Variants in GLRA3 observed in about 807,000 individuals in gnomAD.
GLRA3 encodes the protein glycine receptor alpha 3, also known as glycine receptor subunit alpha-3.
A neutral mutation model predicts 60.4 loss-of-function variants in GLRA3; 44 were observed. The ratio of observed to expected loss-of-function variants is 0.73; its 90% CI spans 0.57 to 0.94. The LOEUF (loss-of-function observed/expected upper bound fraction) is 0.94, where lower values mean the gene tolerates loss of function less well. GLRA3 is among the 40% of genes least tolerant of loss of function. The pLI, the probability that GLRA3 is intolerant of heterozygous loss-of-function variation, is 0.00. For missense variants in GLRA3, 508 were observed against 564.6 expected (o/e 0.90, Z 1.02); for synonymous variants, 223 against 192.9 (o/e 1.16, Z -1.29).
intron 5 of GLRA3, among the ~76,000 whole-genome samples, chr4:174,683,490 A>G (rs1734437213): frequency 6.6e-6 from 1 of 152,032 alleles, no homozygotes; most frequent in Non-Finnish European, 1.5e-5. Flanking sequence ...AGCTGGGACT[A>G]CAGGCACATG....
At chr4:174,705,994 G>A (rs1035019068) in intron 5 of GLRA3, among the ~76,000 whole-genome samples, 2 of 152,092 alleles carry the variant, frequency 1.3e-5, no homozygotes, top group East Asian at 1.9e-4. Flanking sequence ...ACTTTGGGAG[G>A]CCAAGGTGGG....
At chr4:174,808,752 A>G (rs186306996) in intron 1 of GLRA3, among the ~76,000 whole-genome samples, 83 of 152,164 alleles carry the variant, frequency 5.5e-4, no homozygotes, top group Middle Eastern at 3.4e-3. Context: ...GCACAGGCTA[A>G]TGTGTGTGCT....
chr4:174,682,305 T>C lies in GLRA3; in HGVS notation c.712+497A>G, dbSNP rs141881713. On this transcript the variant is annotated intron_variant, in intron 6 of 9. Coordinates refer to ENST00000274093, the MANE Select transcript of GLRA3 (RefSeq NM_006529.4). ...TCTCAATTCTTAGTGTTGAGAACTA[T>C]ATCTGATATTTATCTCAAGTGTCTT... Among the ~76,000 whole-genome samples, 3 of 152,318 alleles carry C rather than the reference T, an allele frequency of 2.0e-5. No homozygotes were observed. In the East Asian group the frequency reaches 5.8e-4, roughly 29 times the overall value.
At chr4:174,758,613 C>T (rs983000879) in intron 3 of GLRA3, among the ~76,000 whole-genome samples, 1 of 151,900 alleles carries the variant, frequency 6.6e-6, no homozygotes, top group Non-Finnish European at 1.5e-5. Context: ...CTAAAGAAAT[C>T]CAAAAAGCAC....
At chr4:174,817,713 TCTC>T (rs1740566376) in intron 1 of GLRA3, among the ~76,000 whole-genome samples, 1 of 152,118 alleles carries the variant, frequency 6.6e-6, no homozygotes, top group Non-Finnish European at 1.5e-5. Context: ...TTCAAGCAAT[TCTC>T]CTGCCTCAGC....
chr4:174,754,083 T>G (rs1363383128), intron 3 of GLRA3, among the ~76,000 whole-genome samples: 1 of 152,174 alleles, frequency 6.6e-6, no homozygotes, highest in Admixed American at 6.5e-5. Flanking sequence ...AATTGTATTC[T>G]CTATGATATT....
At chr4:174,664,553 A>G (rs1733582012) in intron 7 of GLRA3, among the ~76,000 whole-genome samples, 1 of 152,026 alleles carries the variant, frequency 6.6e-6, no homozygotes, top group African/African-American at 2.4e-5. Context: ...AGCCCTGTTA[A>G]TTATGTTTTC....
chr4:174,800,497 C>G (rs1329746762), intron 1 of GLRA3, among the ~76,000 whole-genome samples: 1 of 152,064 alleles, frequency 6.6e-6, no homozygotes, highest in Non-Finnish European at 1.5e-5. Flanking sequence ...TTCAGTCACA[C>G]TGCATCTCCT....
At position 174,642,451 on chromosome 4, in the gene GLRA3, G is replaced by C; in HGVS notation, c.*1335C>G. 2.0e-6 allele frequency: 2 copies of C among 976,596 alleles called. No individual in the cohort carries two copies. Among genetic ancestry groups the C allele is most frequent in the African/African-American group, 3.5e-5 (2 of 57,128 alleles). The allele number at this position is 976,596 out of a possible 1,614,324, so 60.5% of individuals were successfully genotyped here. On this transcript the variant is annotated 3_prime_UTR_variant, in exon 10 of 10. Transcript: ENST00000274093. ...TCCAAATAAATTTATGGTAAAAATA[G>C]TTAAAAAAATAGCAAAACTGAAAAA...
chr4:174,667,110 C>T (rs994499032), intron 7 of GLRA3, among the ~76,000 whole-genome samples: 4 of 152,060 alleles, frequency 2.6e-5, no homozygotes, highest in African/African-American at 9.7e-5. Context: ...AAAACCAAGT[C>T]GCTGGTGGTT....
intron 3 of GLRA3, among the ~76,000 whole-genome samples, chr4:174,743,857 C>A (rs1417237815): frequency 6.6e-6 from 1 of 152,144 alleles, no homozygotes; most frequent in Admixed American, 6.5e-5. Flanking sequence ...AATAATGTAT[C>A]TTAGAAGTGA....
rs1330521210 is a variant in GLRA3, at chr4:174,639,410, GAA to G, written c.*4374_*4375del. On this transcript the variant is annotated 3_prime_UTR_variant, in exon 10 of 10. Coordinates refer to ENST00000274093, the MANE Select transcript of GLRA3 (RefSeq NM_006529.4). ...TGTGTGTGTGTGTGTGTGTGTGTGT[GAA>G]AGAGAGAGAGAGAGAGGGAAAGGGA... 2 of 133,292 alleles carry G rather than the reference GAA, an allele frequency of 1.5e-5. No individual in the cohort carries two copies. Among genetic ancestry groups the G allele is most frequent in the African/African-American group, 2.8e-5 (1 of 35,210 alleles). The allele number at this position is 133,292 out of a possible 1,614,324, so 8.3% of individuals were successfully genotyped here.
At chr4:174,757,655 T>A (rs1211418569) in intron 3 of GLRA3, among the ~76,000 whole-genome samples, 1 of 152,192 alleles carries the variant, frequency 6.6e-6, no homozygotes, top group African/African-American at 2.4e-5. Context: ...TATATTGATA[T>A]GAATAAATTA....
chr4:174,802,378 C>A (rs1467728775), intron 1 of GLRA3, among the ~76,000 whole-genome samples: 3 of 151,990 alleles, frequency 2.0e-5, no homozygotes, highest in Non-Finnish European at 4.4e-5. Context: ...TATCAAGGAA[C>A]TGAAATGTAC....
At chr4:174,682,967 T>G (rs1191904757) in intron 5 of GLRA3, 28 bp from the exon 6 acceptor site, 1 of 1,584,488 alleles carries the variant, frequency 6.3e-7, no homozygotes, top group Non-Finnish European at 8.7e-7. Context: ...AAAATATGAA[T>G]AGTCTAAAAA....
chr4:174,760,922 A>T (rs1737920640), intron 3 of GLRA3, among the ~76,000 whole-genome samples: 1 of 152,192 alleles, frequency 6.6e-6, no homozygotes, highest in African/African-American at 2.4e-5. Flanking sequence ...GAGTATCTCA[A>T]AAAAAACATA....
chr4:174,643,972 G>T lies in GLRA3; in HGVS notation c.1209C>A (p.Pro403=), dbSNP rs942274067. ...QAKDGMTPKG[P]NHPVQVMPKS... is the part of the protein sequence containing the mutation. ...TTGGCATTACCTGGACAGGGTGGTT[G>T]GGGCCCTTTGGAGTCATGCCATCCT... The change falls in exon 10 of 10, where the codon CCC becomes CCA. Residue 403 remains proline, a synonymous_variant. Transcript: ENST00000274093. The T allele has an allele frequency of 4.3e-6, 7 of 1,613,730 alleles. No homozygotes were observed. Among genetic ancestry groups the T allele is most frequent in the Non-Finnish European group, 5.9e-6 (7 of 1,179,732 alleles).
intron 5 of GLRA3, among the ~76,000 whole-genome samples, chr4:174,689,271 T>C (rs1226514028): frequency 9.2e-5 from 14 of 152,224 alleles, no homozygotes; most frequent in Non-Finnish European, 2.9e-5. Flanking sequence ...TCTAAGTATG[T>C]ATACACATCT....
chr4:174,732,272 T>A (rs987582671), intron 3 of GLRA3, among the ~76,000 whole-genome samples: 2 of 151,648 alleles, frequency 1.3e-5, no homozygotes, highest in African/African-American at 4.9e-5. Context: ...GGAGAGACGC[T>A]TGAACCCAGG....
Sources: allele counts gnomAD v4.1 joint callset (sites outside exome capture counted in the v4.1 genomes callset), GRCh38; gene constraint gnomAD v4.1.1; transcripts MANE v1.5; gene names NCBI Gene and HGNC (gene_info 2026-07-23, HGNC 2026-07-21).